The following FZD4 variants were observed in gnomAD, a reference collection of about 807,000 sequenced individuals.
The protein encoded by FZD4 is frizzled-4.
A neutral mutation model predicts 37.3 loss-of-function variants in FZD4; 16 were observed. That is an observed-to-expected ratio of 0.43 (90% CI 0.29 to 0.65). The LOEUF (loss-of-function observed/expected upper bound fraction) is 0.65. Ranked by LOEUF, FZD4 falls within the 30% of genes least tolerant of loss-of-function variation. The pLI is 0.16. For synonymous variants in FZD4, 246 were observed against 254.8 expected (o/e 0.97, Z 0.33); for missense variants, 599 against 674.3 (o/e 0.89, Z 1.24).
chr11:86,951,949 A>G lies in FZD4; in HGVS notation c.807T>C (p.Tyr269=). ...SMCYNIYSIA[Y]IVRLTVGRER... ...CCCGGCCTACAGTCAGCCTGACAAT[A>G]TAAGCAATGCTATAAATATTATAGC... Residue 269 remains tyrosine (Y), a synonymous_variant, in exon 2 of 2, where the codon TAT becomes TAC. Transcript: ENST00000531380. 1.2e-6 allele frequency: 2 copies of G among 1,613,948 alleles called. No homozygotes were observed. Among genetic ancestry groups the G allele is most frequent in the Non-Finnish European group, 8.5e-7 (1 of 1,179,872 alleles).
At chr11:86,954,664 G>T in intron 1 of FZD4, 137 bp downstream of exon 1, 1 of 1,438,830 alleles carries the variant, frequency 7.0e-7, no homozygotes. Context: ...GAAAGTGGGG[G>T]TGGGGATGGA....
At position 86,950,173 on chromosome 11, in the gene FZD4, T is replaced by C. The variant is rs1188312115; in HGVS notation, c.*969A>G. ...GCAAAGTTGCCAAGAAACTTAACATTTCAGCTCTTCCAGACTGGCGTCTGC... is the reference window on the plus strand; with the variant it reads ...GCAAAGTTGCCAAGAAACTTAACATCTCAGCTCTTCCAGACTGGCGTCTGC... On this transcript the variant is annotated 3_prime_UTR_variant, in exon 2 of 2. Coordinates refer to ENST00000531380, the MANE Select transcript of FZD4 (RefSeq NM_012193.4). The C allele has an allele frequency of 6.6e-6, 1 of 152,598 alleles. No homozygotes were observed. The allele number at this position is 152,598 out of a possible 1,614,324, so 9.5% of individuals were successfully genotyped here.
chr11:86,955,131 C>G lies in FZD4; in HGVS notation c.-46G>C. ...GCGGCAGCGGCTGGGGCTGCTCTGG[C>G]AGACACCCCCAGTTTGCACGGGGGC... On this transcript the variant is annotated 5_prime_UTR_variant, in exon 1 of 2. Transcript: ENST00000531380. 1 of 1,388,020 alleles carries G rather than the reference C, an allele frequency of 7.2e-7. No individual in the cohort carries two copies. Among genetic ancestry groups the G allele is most frequent in the Non-Finnish European group, 9.4e-7 (1 of 1,068,616 alleles). 86.0% of individuals were successfully genotyped at this position (1,388,020 alleles called of 1,614,324 possible). A position where few individuals can be genotyped will look rare whatever the true frequency, so the allele number is the denominator to read the frequency against.
chr11:86,954,950 C>A lies in FZD4; in HGVS notation c.136G>T (p.Asp46Tyr), dbSNP rs573770292. ...GFGDEEERRC[D>Y]PIRISMCQNL... ...TGGCACATGGAGATGCGGATGGGGT[C>A]GCAGCGCCGCTCTTCCTCGTCCCCG... is the stretch of plus-strand genomic sequence containing the variant. The change falls in exon 1 of 2, where the codon GAC (aspartate) becomes TAC (tyrosine). Residue 46 changes from aspartate (D) to tyrosine (Y), a missense_variant. This residue lies in a region of FZD4 where 357 missense variants were observed against 396.1 expected (regional missense o/e 0.90). Transcript: ENST00000531380. The A allele has an allele frequency of 1.9e-6, 3 of 1,613,714 alleles. No homozygotes were observed. In the African/African-American group the frequency reaches 4.0e-5, roughly 22 times the overall value.
In FZD4 at chr11:86,951,847, T is replaced by G; in HGVS notation, c.909A>C (p.Ala303=). Residue 303 remains alanine (A), a synonymous_variant, in exon 2 of 2, where the codon GCA becomes GCC. Coordinates refer to ENST00000531380, the MANE Select transcript of FZD4 (RefSeq NM_012193.4). ...AAAAGTACATCAGCAAGAAAATTAT[T>G]GCACATCCTGTGTTCTTAAGTCCTT... The part of the protein sequence containing the change: ...IQEGLKNTGC[A]IIFLLMYFFG... The G allele has an allele frequency of 6.2e-7, 1 of 1,613,756 alleles. No homozygotes were observed. Among genetic ancestry groups the G allele is most frequent in the East Asian group, 2.2e-5 (1 of 44,888 alleles).
chr11:86,946,699 C>T lies in FZD4; in HGVS notation c.*4443G>A, dbSNP rs1018729376. The T allele has an allele frequency of 6.6e-6, 1 of 152,522 alleles. No individual in the cohort carries two copies. Among genetic ancestry groups the T allele is most frequent in the Non-Finnish European group, 1.5e-5 (1 of 68,034 alleles). 9.4% of individuals were successfully genotyped at this position (152,522 alleles called of 1,614,324 possible). The stretch of plus-strand genomic sequence containing the variant: ...GAGCAAAATGCTCTCTAAGGAGTTT[C>T]CAAGATCTATGATCTAACCCTGGAG... On this transcript the variant is annotated 3_prime_UTR_variant, in exon 2 of 2. Transcript: ENST00000531380.
At position 86,954,840 on chromosome 11, in the gene FZD4, G is replaced by T. The variant is rs1237353116; in HGVS notation, c.246C>A (p.Phe82Leu). Residue 82 changes from phenylalanine to leucine, a missense_variant, in exon 1 of 2, where the codon TTC becomes TTA. Coordinates refer to ENST00000531380, the MANE Select transcript of FZD4 (RefSeq NM_012193.4). Reference protein sequence around the residue: ...QTDAELQLTTFTPLIQYGCSS... With the variant: ...QTDAELQLTTLTPLIQYGCSS... ...AGCAGCCGTACTGGATGAGCGGTGT[G>T]AAAGTTGTCAGCTGCAGCTCGGCGT... is the stretch of plus-strand genomic sequence containing the variant. 1.2e-6 allele frequency: 2 copies of T among 1,612,904 alleles called. No individual in the cohort carries two copies. Among genetic ancestry groups the T allele is most frequent in the East Asian group, 4.5e-5 (2 of 44,832 alleles).
In FZD4 at chr11:86,951,405, C is replaced by T. The variant is rs1949290695; in HGVS notation, c.1351G>A (p.Val451Met). 3.1e-6 allele frequency: 5 copies of T among 1,613,424 alleles called. No homozygotes were observed. Among genetic ancestry groups the T allele is most frequent in the Non-Finnish European group, 4.2e-6 (5 of 1,179,416 alleles). ...SVLYTVPATC[V>M]IACYFYEISN... is the part of the protein sequence containing the mutation. ...ATTTCATAAAAATAACAGGCAATCACACACGTTGCAGGAACTGTGTACAGT... is the reference window on the plus strand; with the variant it reads ...ATTTCATAAAAATAACAGGCAATCATACACGTTGCAGGAACTGTGTACAGT... The change falls in exon 2 of 2, where the codon GTG becomes ATG. Residue 451 changes from valine (V) to methionine (M), a missense_variant. Val to Met is a conservative substitution (Grantham distance 21). Coordinates refer to ENST00000531380, the MANE Select transcript of FZD4 (RefSeq NM_012193.4).
chr11:86,951,924 C>G lies in FZD4; in HGVS notation c.832G>C (p.Glu278Gln). 1 of 1,613,916 alleles carries G rather than the reference C, an allele frequency of 6.2e-7. No homozygotes were observed. Among genetic ancestry groups the G allele is most frequent in the Non-Finnish European group, 8.5e-7 (1 of 1,179,944 alleles). The change falls in exon 2 of 2, where the codon GAA becomes CAA. Residue 278 changes from glutamate (E) to glutamine (Q), a missense_variant. Glu to Gln is a conservative substitution (Grantham distance 29, BLOSUM62 2). This residue lies in a region of FZD4 where 357 missense variants were observed against 396.1 expected (regional missense o/e 0.90). Transcript: ENST00000531380. Reference sequence around the variant, plus strand: ...TCTTCAAAATCACAGGATATCCTTTCCCGGCCTACAGTCAGCCTGACAATA... The same window carrying G: ...TCTTCAAAATCACAGGATATCCTTTGCCGGCCTACAGTCAGCCTGACAATA... ...AYIVRLTVGR[E>Q]RISCDFEEAA...
intron 1 of FZD4, chr11:86,954,334 G>A: frequency 3.0e-6 from 3 of 985,346 alleles, no homozygotes; most frequent in Non-Finnish European, 3.6e-6. Flanking sequence ...GGGACGTCGT[G>A]AGAAGGGGCT....
In FZD4 at chr11:86,947,877, G is replaced by T. The variant is rs1175767918; in HGVS notation, c.*3265C>A. 1.3e-5 allele frequency: 2 copies of T among 152,222 alleles called. No individual in the cohort carries two copies. The allele number at this position is 152,222 out of a possible 1,614,324, so 9.4% of individuals were successfully genotyped here. ...TGGAGGCCAAGGGATTTCTGAGGAA[G>T]CTACAATCATACCCATTTACTGTAG... On this transcript the variant is annotated 3_prime_UTR_variant, in exon 2 of 2. Coordinates refer to ENST00000531380, the MANE Select transcript of FZD4 (RefSeq NM_012193.4).
rs557348728 is a variant in FZD4, at chr11:86,954,788, T to G, written c.285+13A>C. On this transcript the variant is annotated intron_variant, in intron 1 of 1. Coordinates refer to ENST00000531380, the MANE Select transcript of FZD4 (RefSeq NM_012193.4). ...CAAGGGGTCCCGCCAGGGGTGGGGG[T>G]GGGGGCGCCCACCTGCAGCTGGCTG... is the stretch of plus-strand genomic sequence containing the variant. The G allele has an allele frequency of 1.3e-6, 2 of 1,590,764 alleles. No homozygotes were observed. The highest frequency in any genetic ancestry group is 2.7e-5 in the African/African-American group (2 of 74,018).
At chr11:86,954,554 A>T (rs1949319941) in intron 1 of FZD4, 1 of 985,360 alleles carries the variant, frequency 1.0e-6, no homozygotes, top group Non-Finnish European at 1.2e-6. Context: ...TCTGGGCCAG[A>T]CATGGGTGGG....
chr11:86,951,221 A>G lies in FZD4; in HGVS notation c.1535T>C (p.Val512Ala), dbSNP rs747068280. 3.7e-6 allele frequency: 6 copies of G among 1,613,852 alleles called. No homozygotes were observed. The highest frequency in any genetic ancestry group is 2.2e-5 in the East Asian group (1 of 44,890). The change falls in exon 2 of 2, where the codon GTG becomes GCG. Residue 512 changes from valine to alanine, a missense_variant. This residue lies in a region of FZD4 where 203 missense variants were observed against 196.8 expected (regional missense o/e 1.03). Transcript: ENST00000531380. ...CTCTCTCTTTACCTTTCCAGAATTC[A>G]CCAATCTGTTGGAACACTTCTGCCA... Reference protein sequence around the residue: ...HTWQKCSNRLVNSGKVKREKR... With the variant: ...HTWQKCSNRLANSGKVKREKR...
At chr11:86,953,810 T>G (rs1590944797) in intron 1 of FZD4, among the ~76,000 whole-genome samples, 1 of 152,088 alleles carries the variant, frequency 6.6e-6, no homozygotes, top group South Asian at 2.1e-4. Flanking sequence ...AGAGACAGGA[T>G]TTCGCCATGT....
chr11:86,952,831 A>C (rs1949306133), intron 1 of FZD4: 1 of 179,202 alleles, frequency 5.6e-6, no homozygotes, highest in Non-Finnish European at 1.2e-5. Context: ...AAAAAGCTAA[A>C]GAAACTAATA....
rs1273254755 is a variant in FZD4, at chr11:86,946,197, G to C, written c.*4945C>G. ...CCTCCCAAAGCCCACAGCCAAGTCA[G>C]GGCCCCAGCCTATTAGTACAATTTG... is the stretch of plus-strand genomic sequence containing the variant. On this transcript the variant is annotated 3_prime_UTR_variant, in exon 2 of 2. Coordinates refer to ENST00000531380, the MANE Select transcript of FZD4 (RefSeq NM_012193.4). The C allele has an allele frequency of 6.6e-6, 1 of 152,188 alleles. No homozygotes were observed. The highest frequency in any genetic ancestry group is 1.5e-5 in the Non-Finnish European group (1 of 68,066). 9.4% of individuals were successfully genotyped at this position (152,188 alleles called of 1,614,324 possible).
Position 86,954,150 on chromosome 11 carries a change from T to C in FZD4, c.285+651A>G, listed in dbSNP as rs114459852. ...TGTGGAATAAACATTTTCTCTATCA[T>C]TAGATATGCTTTACATTTTTTAATG... On this transcript the variant is annotated intron_variant, in intron 1 of 1. Transcript: ENST00000531380. 2.6e-3 allele frequency: 1,514 copies of C among 590,516 alleles called. 23 individuals carry two copies. The African/African-American group carries it at 0.028, about 11-fold the overall frequency. 36.6% of individuals were successfully genotyped at this position (590,516 alleles called of 1,614,324 possible).
rs1949240804 is a variant in FZD4 at position 86,946,185 on chromosome 11, AC to A, written c.*4956del. 6.6e-6 allele frequency: 1 copy of A among 152,186 alleles called. No homozygotes were observed. Among genetic ancestry groups the A allele is most frequent in the Non-Finnish European group, 1.5e-5 (1 of 68,048 alleles). 9.4% of individuals were successfully genotyped at this position (152,186 alleles called of 1,614,324 possible). Reference sequence around the variant, plus strand: ...AAGCAGCTTACCCCTCCCAAAGCCCACAGCCAAGTCAGGGCCCCAGCCTATT... The same window carrying A: ...AAGCAGCTTACCCCTCCCAAAGCCCAAGCCAAGTCAGGGCCCCAGCCTATT... On this transcript the variant is annotated 3_prime_UTR_variant, in exon 2 of 2. Transcript: ENST00000531380.
Sources: allele counts gnomAD v4.1 joint callset (sites outside exome capture counted in the v4.1 genomes callset), GRCh38; gene constraint gnomAD v4.1.1; regional missense constraint gnomAD v4.1.1; transcripts MANE v1.5; gene names NCBI Gene and HGNC (gene_info 2026-07-23, HGNC 2026-07-21).